The following NLGN4X variants were observed in gnomAD, a reference collection of about 807,000 sequenced individuals.
The protein encoded by NLGN4X is neuroligin-4, X-linked.
NLGN4X carries 3 observed loss-of-function variants against 40.3 expected under a neutral mutation model. The ratio of observed to expected loss-of-function variants is 0.07; its 90% CI spans 0.03 to 0.19. The LOEUF (loss-of-function observed/expected upper bound fraction) is 0.19, where lower values mean the gene tolerates loss of function less well. Among genes scored for constraint, NLGN4X ranks in the 10% least tolerant of loss-of-function variants. NLGN4X has a pLI of 1.00. For missense variants in NLGN4X, 382 were observed against 708.3 expected (o/e 0.54, Z 5.23); for synonymous variants, 270 against 306.8 (o/e 0.88, Z 1.25).
intron 1 of NLGN4X, among the ~76,000 whole-genome samples, chrX:6,214,188 G>A (rs936574964): frequency 8.9e-6 from 1 of 111,789 alleles, no homozygotes; most frequent in South Asian, 3.8e-4. Flanking sequence ...GGCTTTTGTC[G>A]TTGACGCACA....
intron 2 of NLGN4X, among the ~76,000 whole-genome samples, chrX:6,038,151 G>C (rs1425751040): frequency 2.7e-5 from 3 of 111,978 alleles, no homozygotes; most frequent in Non-Finnish European, 5.6e-5. Flanking sequence ...ATCCTCTGCT[G>C]TTCCTGGTAG....
intron 3 of NLGN4X, among the ~76,000 whole-genome samples, chrX:5,967,434 G>A (rs1278800412): frequency 9.0e-6 from 1 of 111,405 alleles, no homozygotes; most frequent in Non-Finnish European, 1.9e-5. Flanking sequence ...TTTTCTCTCT[G>A]TCTTGGCCCT....
chrX:6,123,052 T>C (rs1028179800), intron 2 of NLGN4X, among the ~76,000 whole-genome samples: 1 of 107,569 alleles, frequency 9.3e-6, no homozygotes, highest in Non-Finnish European at 1.9e-5. Flanking sequence ...AGAAAAAGAC[T>C]AGGAAGAACT....
intron 3 of NLGN4X, among the ~76,000 whole-genome samples, chrX:5,981,003 CTT>C (rs1439911222): frequency 2.7e-5 from 3 of 111,209 alleles, no homozygotes; most frequent in Non-Finnish European, 5.7e-5. Context: ...AAATAAATAT[CTT>C]AACAATATTG....
intron 2 of NLGN4X, among the ~76,000 whole-genome samples, chrX:6,057,278 C>T (rs2037656007): frequency 9.0e-6 from 1 of 111,535 alleles, no homozygotes; most frequent in African/African-American, 3.3e-5. Context: ...TCCTACAAAC[C>T]TTAACGTGAG....
At chrX:6,015,317 T>C (rs980264856) in intron 3 of NLGN4X, among the ~76,000 whole-genome samples, 1 of 111,813 alleles carries the variant, frequency 8.9e-6, no homozygotes, top group Admixed American at 9.5e-5. Context: ...CACTACTACA[T>C]CTTCCTTGGC....
At chrX:5,949,560 T>C (rs923349588) in intron 3 of NLGN4X, among the ~76,000 whole-genome samples, 1 of 111,895 alleles carries the variant, frequency 8.9e-6, no homozygotes, top group South Asian at 3.8e-4. Context: ...AAGTTATCAT[T>C]TGTGTTCAAA....
chrX:5,993,995 C>T (rs1242510108), intron 3 of NLGN4X, among the ~76,000 whole-genome samples: 1 of 111,997 alleles, frequency 8.9e-6, no homozygotes, highest in Non-Finnish European at 1.9e-5. Flanking sequence ...TAGCATCAGA[C>T]TTTAACTCTA....
intron 2 of NLGN4X, among the ~76,000 whole-genome samples, chrX:6,124,714 A>C (rs1176418330): frequency 2.7e-5 from 3 of 111,450 alleles, no homozygotes; most frequent in Non-Finnish European, 5.7e-5. Flanking sequence ...TAAGATATAG[A>C]AGACTGAAGT....
chrX:6,146,113 T>C (rs1293532061), intron 2 of NLGN4X, among the ~76,000 whole-genome samples: 2 of 106,397 alleles, frequency 1.9e-5, no homozygotes, highest in Non-Finnish European at 3.8e-5. Context: ...AGATCCTGTT[T>C]CTAAAAGGAA....
chrX:5,900,916 C>G (rs1379591525), intron 5 of NLGN4X, among the ~76,000 whole-genome samples: 1 of 110,820 alleles, frequency 9.0e-6, no homozygotes, highest in Non-Finnish European at 1.9e-5. Context: ...TAACAGCAGT[C>G]CCAACAAACT....
At chrX:6,120,693 A>G (rs140363574) in intron 2 of NLGN4X, among the ~76,000 whole-genome samples, 1,498 of 111,919 alleles carry the variant, frequency 0.013, 21 homozygotes, top group African/African-American at 0.045. Flanking sequence ...AGAGAAAACT[A>G]TACTGGTTTC....
chrX:6,047,841 A>G (rs2037368246), intron 2 of NLGN4X, among the ~76,000 whole-genome samples: 1 of 111,825 alleles, frequency 8.9e-6, no homozygotes, highest in Non-Finnish European at 1.9e-5. Flanking sequence ...TCCACCCCAC[A>G]TGGGCCCTCC....
intron 2 of NLGN4X, among the ~76,000 whole-genome samples, chrX:6,054,583 C>T (rs1247251510): frequency 9.0e-6 from 1 of 110,571 alleles, no homozygotes; most frequent in African/African-American, 3.3e-5. Context: ...TCATACCACT[C>T]CAATCTGAAA....
At chrX:5,928,955 G>T (rs1454718340) in intron 3 of NLGN4X, among the ~76,000 whole-genome samples, 3 of 109,268 alleles carry the variant, frequency 2.7e-5, no homozygotes, top group African/African-American at 1.0e-4. Flanking sequence ...GAGTAGCTGG[G>T]ACTATAGACA....
At chrX:6,073,995 G>A (rs763918435) in intron 2 of NLGN4X, among the ~76,000 whole-genome samples, 2 of 110,350 alleles carry the variant, frequency 1.8e-5, no homozygotes, top group African/African-American at 6.6e-5. Flanking sequence ...CCAGTATTCT[G>A]TCACAGGGAC....
intron 1 of NLGN4X, among the ~76,000 whole-genome samples, chrX:6,173,853 T>A (rs1025912598): frequency 2.7e-5 from 3 of 111,351 alleles, no homozygotes; most frequent in Non-Finnish European, 5.6e-5. Flanking sequence ...GGTCAGGAGC[T>A]CAAAACTAGC....
intron 2 of NLGN4X, among the ~76,000 whole-genome samples, chrX:6,077,278 G>GTGTGTA (rs374413789): frequency 3.0e-3 from 297 of 99,940 alleles, no homozygotes; most frequent in African/African-American, 9.9e-3. Context: ...TTTTGTGTGT[G>GTGTGTA]TGTGTGTGTG....
chrX:6,096,596 C>T (rs931130446), intron 2 of NLGN4X, among the ~76,000 whole-genome samples: 3 of 111,657 alleles, frequency 2.7e-5, no homozygotes, highest in African/African-American at 9.8e-5. Flanking sequence ...TGAAGAAGAG[C>T]GGACTGTTGT....
Sources: allele counts gnomAD v4.1 joint callset (sites outside exome capture counted in the v4.1 genomes callset), GRCh38; gene constraint gnomAD v4.1.1; transcripts MANE v1.5; gene names NCBI Gene and HGNC (gene_info 2026-07-23, HGNC 2026-07-21).